Variants in PLLP observed in about 807,000 individuals in gnomAD.
The protein encoded by PLLP is plasma membrane proteolipid (plasmolipin).
PLLP carries 15 observed loss-of-function variants against 19.7 expected under a neutral mutation model. The ratio of observed to expected loss-of-function variants is 0.76; its 90% CI spans 0.51 to 1.17. The LOEUF (loss-of-function observed/expected upper bound fraction) is 1.17, where lower values mean the gene tolerates loss of function less well. Ranked by LOEUF, PLLP falls within the 50% of genes most tolerant of loss-of-function variation. The pLI is 0.00. For missense variants in PLLP, 255 were observed against 258.3 expected, an observed-to-expected ratio of 0.99 and a Z score of 0.09; for synonymous variants, 111 against 116.3, an observed-to-expected ratio of 0.95 and a Z score of 0.29.
intron 1 of PLLP, among the ~76,000 whole-genome samples, chr16:57,276,538 G>A (rs1488889497): frequency 6.8e-6 from 1 of 147,682 alleles, no homozygotes; most frequent in African/African-American, 2.5e-5. Flanking sequence ...GTTGCAGTGA[G>A]TCAAGATCAT....
At chr16:57,270,590 A>G (rs1471656726) in intron 1 of PLLP, among the ~76,000 whole-genome samples, 1 of 151,634 alleles carries the variant, frequency 6.6e-6, no homozygotes, top group Non-Finnish European at 1.5e-5. Context: ...CCTTCTCCCT[A>G]CAGTGAAAGG....
chr16:57,284,508 C>G lies in PLLP; in HGVS notation c.33G>C (p.Arg11=), dbSNP rs369139402. The G allele has an allele frequency of 2.3e-4, 325 of 1,406,568 alleles. No homozygotes were observed. The highest frequency in any genetic ancestry group is 2.8e-4 in the Non-Finnish European group (304 of 1,069,746). The allele number at this position is 1,406,568 out of a possible 1,614,324, so 87.1% of individuals were successfully genotyped here. MAEFPSKVST[R]TSSPAQGAEA... The stretch of plus-strand genomic sequence containing the variant: ...CGGCGCCCTGCGCAGGACTGCTGGT[C>G]CGCGTGCTAACTTTCGACGGGAACT... The change falls in exon 1 of 4, where the codon CGG becomes CGC. Residue 11 remains arginine, a synonymous_variant. Transcript: ENST00000219207.
At chr16:57,272,545 AAAGT>A (rs1199403374) in intron 1 of PLLP, among the ~76,000 whole-genome samples, 1 of 152,214 alleles carries the variant, frequency 6.6e-6, no homozygotes, top group African/African-American at 2.4e-5. Flanking sequence ...TTGGGGTGCT[AAAGT>A]GAGTGTCTTC....
At chr16:57,264,250 C>T (rs895989895) in intron 1 of PLLP, among the ~76,000 whole-genome samples, 7 of 152,318 alleles carry the variant, frequency 4.6e-5, no homozygotes, top group African/African-American at 9.6e-5. Flanking sequence ...CCTCCTTCCT[C>T]GGCCTACTCC....
intron 1 of PLLP, among the ~76,000 whole-genome samples, chr16:57,283,360 T>C (rs1450685036): frequency 6.6e-6 from 1 of 152,142 alleles, no homozygotes; most frequent in African/African-American, 2.4e-5. Flanking sequence ...GAAGGGAGAC[T>C]GGACCTCAGC....
At chr16:57,276,740 G>GT (rs1567532781) in intron 1 of PLLP, among the ~76,000 whole-genome samples, 1 of 152,120 alleles carries the variant, frequency 6.6e-6, no homozygotes, top group South Asian at 2.1e-4. Context: ...GAGGCATGCT[G>GT]TTGCAGGCAG....
chr16:57,282,843 A>G (rs74764527), intron 1 of PLLP, among the ~76,000 whole-genome samples: 24 of 152,236 alleles, frequency 1.6e-4, no homozygotes, highest in Non-Finnish European at 3.2e-4. Flanking sequence ...TCTCTGCTCA[A>G]AAACCACCTC....
chr16:57,281,597 A>G (rs976294438), intron 1 of PLLP, among the ~76,000 whole-genome samples: 1 of 143,030 alleles, frequency 7.0e-6, no homozygotes, highest in Non-Finnish European at 1.5e-5. Flanking sequence ...TGCAAGCTCC[A>G]CCTCCCGGGT....
Position 57,284,336 on chromosome 16 carries a change from G to A in PLLP, c.135+70C>T. The A allele has an allele frequency of 5.6e-6, 7 of 1,239,076 alleles. No homozygotes were observed. The South Asian group carries it at 6.8e-5, about 12-fold the overall frequency. 76.8% of individuals were successfully genotyped at this position (1,239,076 alleles called of 1,614,324 possible). On this transcript the variant is annotated intron_variant, in intron 1 of 3. Transcript: ENST00000219207. ...GTTCGCGAAAAATGAACGCAGCGCC[G>A]GAGTCCCTCACCCATCCTGGCCGGA...
At chr16:57,272,272 C>G (rs183547597) in intron 1 of PLLP, among the ~76,000 whole-genome samples, 125 of 152,334 alleles carry the variant, frequency 8.2e-4, no homozygotes, top group African/African-American at 2.8e-3. Context: ...GGCTCCCCTT[C>G]CCCTGTCACC....
At chr16:57,271,505 C>A (rs1597963174) in intron 1 of PLLP, among the ~76,000 whole-genome samples, 1 of 151,924 alleles carries the variant, frequency 6.6e-6, no homozygotes, top group Non-Finnish European at 1.5e-5. Flanking sequence ...GTTAGCTGGG[C>A]GTGGTGGTGG....
At chr16:57,275,065 T>C (rs1180266945) in intron 1 of PLLP, among the ~76,000 whole-genome samples, 1 of 150,288 alleles carries the variant, frequency 6.7e-6, no homozygotes, top group African/African-American at 2.5e-5. Flanking sequence ...CGGCCAAGAG[T>C]GGTTTCTTAT....
chr16:57,258,920 C>CAA (rs59321788), intron 2 of PLLP, among the ~76,000 whole-genome samples: 527 of 40,264 alleles, frequency 0.013, 29 homozygotes, highest in African/African-American at 0.05. Flanking sequence ...GATCCTGTCT[C>CAA]AAAAAAAAAA....
intron 1 of PLLP, among the ~76,000 whole-genome samples, chr16:57,263,814 G>A (rs925775405): frequency 4.6e-5 from 7 of 151,854 alleles, no homozygotes; most frequent in East Asian, 2.0e-4. Flanking sequence ...GAGAGGACAC[G>A]AGGGTCTAGC....
rs1220674418 is a variant in PLLP at position 57,256,727 on chromosome 16, T to C, written c.*186A>G. 8.9e-6 allele frequency: 5 copies of C among 564,398 alleles called. No individual in the cohort carries two copies. Among genetic ancestry groups the C allele is most frequent in the African/African-American group, 1.9e-5 (1 of 53,060 alleles). The allele number at this position is 564,398 out of a possible 1,614,324, so 35.0% of individuals were successfully genotyped here. On this transcript the variant is annotated 3_prime_UTR_variant, in exon 4 of 4. Transcript: ENST00000219207. ...GCAGTTGGCCTCCTGCAAGCCGAGA[T>C]GCCTGCCAGCCTGGGCCTGCTTCCT...
chr16:57,283,508 T>C (rs78574962), intron 1 of PLLP, among the ~76,000 whole-genome samples: 3,872 of 152,232 alleles, frequency 0.025, 145 homozygotes, highest in African/African-American at 0.086. Context: ...CCAACTCCAA[T>C]TCCACCTGAG....
chr16:57,272,548 G>A (rs1292578589), intron 1 of PLLP, among the ~76,000 whole-genome samples: 4 of 152,186 alleles, frequency 2.6e-5, no homozygotes, highest in African/African-American at 9.7e-5. Flanking sequence ...GGGTGCTAAA[G>A]TGAGTGTCTT....
chr16:57,281,528 TGAGACGGAGTC>T (rs1567533712), intron 1 of PLLP, among the ~76,000 whole-genome samples: 1 of 150,432 alleles, frequency 6.6e-6, no homozygotes. Flanking sequence ...TTTTTTTTTT[TGAGACGGAGTC>T]TCTTTCTGTC....
At chr16:57,261,728 T>C (rs541334595) in intron 2 of PLLP, among the ~76,000 whole-genome samples, 169 bp downstream of exon 2, 70 of 151,318 alleles carry the variant, frequency 4.6e-4, no homozygotes, top group African/African-American at 1.7e-3. Context: ...GAAGGAAAAA[T>C]AGAAAAACTG....
Sources: allele counts gnomAD v4.1 joint callset (sites outside exome capture counted in the v4.1 genomes callset), GRCh38; gene constraint gnomAD v4.1.1; transcripts MANE v1.5; gene names NCBI Gene and HGNC (gene_info 2026-07-23, HGNC 2026-07-21).